The following SPTAN1 variants were observed in gnomAD, a reference collection of about 807,000 sequenced individuals.
The protein encoded by SPTAN1 is spectrin alpha chain, non-erythrocytic 1.
SPTAN1 carries 61 observed loss-of-function variants against 331.3 expected under a neutral mutation model. The observed-to-expected ratio is 0.18, with a 90% confidence interval of 0.15 to 0.23. The LOEUF is 0.23. Ranked by LOEUF, SPTAN1 falls within the 10% of genes least tolerant of loss-of-function variation. The pLI, the probability that SPTAN1 is intolerant of heterozygous loss-of-function variation, is 1.00. For missense variants in SPTAN1, 2,043 were observed against 3,147.9 expected (o/e 0.65, Z 8.40); for synonymous variants, 1,153 against 1,173.9 (o/e 0.98, Z 0.36).
At position 128,625,672 on chromosome 9, in the gene SPTAN1, G is replaced by A. The variant is rs1048747390; in HGVS notation, c.6070-97G>A. The A allele has an allele frequency of 3.1e-5, 35 of 1,146,916 alleles. No homozygotes were observed. The East Asian group carries it at 5.8e-4, about 19-fold the overall frequency. 71.0% of individuals were successfully genotyped at this position (1,146,916 alleles called of 1,614,324 possible). A position where few individuals can be genotyped will look rare whatever the true frequency, so the allele number is the denominator to read the frequency against. ...AGTGTCCAGGTGGACAGTTTGGCTTGGGCATCTGGGGGACATGCTGGTGCC... is the reference window on the plus strand; with the variant it reads ...AGTGTCCAGGTGGACAGTTTGGCTTAGGCATCTGGGGGACATGCTGGTGCC... On this transcript the variant is annotated intron_variant, in intron 47 of 56. Transcript: ENST00000372739. This position sits in a 1 kb window ranked among gnomAD's most constrained non-coding sequence, Gnocchi z 4.1.
chr9:128,561,085 G>T (rs1849278186), intron 1 of SPTAN1, among the ~76,000 whole-genome samples: 1 of 147,738 alleles, frequency 6.8e-6, no homozygotes, highest in Admixed American at 6.7e-5. Context: ...TAAATAATAT[G>T]TCGGCCAGGC....
rs1850314929 is a variant in SPTAN1, at chr9:128,568,692, G to C, written c.238-80G>C. 1.1e-5 allele frequency: 18 copies of C among 1,593,264 alleles called. No individual in the cohort carries two copies. The South Asian group carries it at 2.0e-4, about 18-fold the overall frequency. On this transcript the variant is annotated intron_variant, in intron 2 of 56. Transcript: ENST00000372739. ...CTAGAGGGAGCAGGATTGAGGAGGGGAGGAACACGGGGAACAGCGGGGACA... is the reference window on the plus strand; with the variant it reads ...CTAGAGGGAGCAGGATTGAGGAGGGCAGGAACACGGGGAACAGCGGGGACA...
chr9:128,609,688 A>T, intron 37 of SPTAN1, 23 bp downstream of exon 37: 2 of 1,478,212 alleles, frequency 1.4e-6, no homozygotes, highest in Non-Finnish European at 1.8e-6. Flanking sequence ...TTTTTTTAAG[A>T]GTTGTAGTTA....
Position 128,598,489 on chromosome 9 carries a change from G to A in SPTAN1, c.3504G>A (p.Gln1168=). 3 of 1,609,612 alleles carry A rather than the reference G, an allele frequency of 1.9e-6. No individual in the cohort carries two copies. Among genetic ancestry groups the A allele is most frequent in the Non-Finnish European group, 2.5e-6 (3 of 1,178,064 alleles). The change falls in exon 25 of 57, where the codon CAG becomes CAA. Residue 1168 remains glutamine (Q), a synonymous_variant. Coordinates refer to ENST00000372739, the MANE Select transcript of SPTAN1 (RefSeq NM_001130438.3). ...AAGGTCTCATGGCAGAGGAGGTGCA[G>A]GCTGTGCAACAACAGGTAGGTGTCT... ...ESEGLMAEEV[Q]AVQQQEVYGM... is the part of the protein sequence containing the mutation.
intron 44 of SPTAN1, among the ~76,000 whole-genome samples, chr9:128,619,684 T>G (rs1244999177): frequency 6.6e-6 from 1 of 152,126 alleles, no homozygotes; most frequent in Admixed American, 6.5e-5. Context: ...AGAGGACATT[T>G]GCAAAGATCT....
intron 22 of SPTAN1, among the ~76,000 whole-genome samples, chr9:128,591,894 G>A (rs570278215): frequency 7.9e-5 from 12 of 152,220 alleles, no homozygotes; most frequent in Admixed American, 5.9e-4. Context: ...CTTTTGGTTC[G>A]AGATGCTTTT....
At chr9:128,603,899 G>A (rs1457660441) in intron 28 of SPTAN1, among the ~76,000 whole-genome samples, 8 of 152,278 alleles carry the variant, frequency 5.3e-5, no homozygotes, top group Admixed American at 4.6e-4. Flanking sequence ...GCCGCCTGCA[G>A]TGCGAGGTCC....
At position 128,575,335 on chromosome 9, in the gene SPTAN1, A is replaced by T; in HGVS notation, c.641A>T (p.Lys214Ile). 6.2e-7 allele frequency: 1 copy of T among 1,612,170 alleles called. No homozygotes were observed. The highest frequency in any genetic ancestry group is 8.5e-7 in the Non-Finnish European group (1 of 1,180,016). Residue 214 changes from lysine to isoleucine, a missense_variant, in exon 5 of 57, where the codon AAA becomes ATA. Physicochemically the swap from Lys to Ile is moderately radical, Grantham distance 102. Around this residue, in one of 12 missense-constraint regions of SPTAN1, gnomAD observed 1,038 missense variants for 1,531.5 expected, o/e 0.68. Coordinates refer to ENST00000372739, the MANE Select transcript of SPTAN1 (RefSeq NM_001130438.3). ...RVNEVNQFAA[K>I]LIQEQHPEEE... ...AATGAAGTGAACCAGTTTGCTGCCA[A>T]ACTCATACAGGTAAATAGCAAAGTG...
intron 1 of SPTAN1, among the ~76,000 whole-genome samples, chr9:128,565,666 T>G (rs1035655633): frequency 6.6e-6 from 1 of 152,224 alleles, no homozygotes; most frequent in African/African-American, 2.4e-5. Flanking sequence ...CTTGACAGGT[T>G]TCATTCCTAA....
intron 19 of SPTAN1, among the ~76,000 whole-genome samples, chr9:128,586,537 A>G (rs1000565238): frequency 1.3e-5 from 2 of 152,100 alleles, no homozygotes; most frequent in African/African-American, 4.8e-5. Context: ...TGTTTCATCT[A>G]TGTGAAACCA....
chr9:128,561,987 T>C (rs540616975), intron 1 of SPTAN1, among the ~76,000 whole-genome samples: 1 of 152,212 alleles, frequency 6.6e-6, no homozygotes, highest in African/African-American at 2.4e-5. Flanking sequence ...AACACAATAA[T>C]TTCATGGCAG....
intron 31 of SPTAN1, among the ~76,000 whole-genome samples, chr9:128,606,502 G>GT (rs1855902441): frequency 5.4e-5 from 8 of 148,352 alleles, no homozygotes; most frequent in Non-Finnish European, 7.4e-5. Context: ...TTTTTTGGGG[G>GT]GGGAAGCGTT....
intron 44 of SPTAN1, among the ~76,000 whole-genome samples, chr9:128,620,954 T>C (rs1857774375): frequency 6.6e-6 from 1 of 152,196 alleles, no homozygotes; most frequent in African/African-American, 2.4e-5. Context: ...TGCTGGTTAC[T>C]CTCACTGCCT....
At chr9:128,628,130 TCCCCGATAGAGC>T (rs1425875145) in intron 51 of SPTAN1, 188 bp downstream of exon 51, 1 of 814,564 alleles carries the variant, frequency 1.2e-6, no homozygotes, top group Admixed American at 1.8e-5. Context: ...TGGTCCCTGG[TCCCCGATAGAGC>T]CTTCAAGCCA....
At chr9:128,631,329 G>GGC (rs1180422006) in intron 52 of SPTAN1, 3 of 152,176 alleles carry the variant, frequency 2.0e-5, no homozygotes, top group Non-Finnish European at 4.4e-5. Context: ...TGTGGTGGCA[G>GGC]GCACCTGTAA....
intron 3 of SPTAN1, 48 bp from the exon 4 acceptor site, chr9:128,574,627 C>T: frequency 6.2e-7 from 1 of 1,612,964 alleles, no homozygotes; most frequent in Non-Finnish European, 8.5e-7. Flanking sequence ...AGCCAGATCC[C>T]ACAGAGCCAG....
At chr9:128,598,200 G>A (rs1854574317) in intron 24 of SPTAN1, among the ~76,000 whole-genome samples, 200 bp from the exon 25 acceptor site, 1 of 151,642 alleles carries the variant, frequency 6.6e-6, no homozygotes. Flanking sequence ...CGCCCACTTG[G>A]GCCTCCCAAA....
intron 40 of SPTAN1, among the ~76,000 whole-genome samples, chr9:128,614,224 G>A (rs919965747): frequency 2.0e-5 from 3 of 152,094 alleles, no homozygotes; most frequent in Non-Finnish European, 4.4e-5. Flanking sequence ...GGAGGCCGAG[G>A]CAGGCAGATC....
intron 41 of SPTAN1, 21 bp downstream of exon 41, chr9:128,615,861 A>G (rs1308467948): frequency 6.2e-7 from 1 of 1,613,596 alleles, no homozygotes; most frequent in South Asian, 1.1e-5. Flanking sequence ...TCAGCCCTCT[A>G]GAAGGCCCCT....
Sources: gnomAD v4.1 joint callset for allele counts (sites outside exome capture counted in the v4.1 genomes callset) on GRCh38, gnomAD v4.1.1 for gene constraint, gnomAD v4.1.1 regional missense constraint, Gnocchi (gnomAD v3.1) non-coding constraint, MANE v1.5 for transcripts, NCBI Gene and HGNC (gene_info 2026-07-23, HGNC 2026-07-21) for gene names.